The following IGF2R variants were observed in gnomAD, a reference collection of about 807,000 sequenced individuals.
IGF2R encodes insulin like growth factor 2 receptor.
In IGF2R, 91 loss-of-function variants were observed where a neutral mutation model predicts 270.6. The observed-to-expected ratio is 0.34, with a 90% CI of 0.28 to 0.40. The LOEUF (loss-of-function observed/expected upper bound fraction) is 0.40. Among genes scored for constraint, IGF2R ranks in the 10% least tolerant of loss-of-function variants. IGF2R has a pLI of 1.00. For synonymous variants in IGF2R, 1,316 were observed against 1,258.9 expected (o/e 1.05, Z -0.96); for missense variants, 2,805 against 3,188.3 (o/e 0.88, Z 2.90).
intron 17 of IGF2R, among the ~76,000 whole-genome samples, chr6:160,048,115 T>A (rs1562356859): frequency 1.3e-5 from 2 of 152,228 alleles, no homozygotes; most frequent in Non-Finnish European, 2.9e-5. Context: ...CAGCAGAGCC[T>A]CGGCCTTTAG....
Position 159,986,342 on chromosome 6 carries a change from G to A in IGF2R, c.150-4842G>A, listed in dbSNP as rs530691760. 4.7e-5 allele frequency among the ~76,000 whole-genome samples: 7 copies of A among 149,490 alleles called. No individual in the cohort carries two copies. In the East Asian group the frequency reaches 1.2e-3, roughly 25 times the overall value. On this transcript the variant is annotated intron_variant, in intron 1 of 47. Transcript: ENST00000356956. ...CACCTCCTGGATTCAAGCTATTCTC[G>A]TGCCTCAGCCTCCCGAGTAGTTGGG... is the stretch of plus-strand genomic sequence containing the variant.
intron 34 of IGF2R, 133 bp from the exon 35 acceptor site, chr6:160,073,624 T>C (rs1255787027): frequency 9.3e-7 from 1 of 1,073,704 alleles, no homozygotes; most frequent in Non-Finnish European, 1.4e-6. Flanking sequence ...TGCCCAGTGC[T>C]ATGTAATGAA....
At chr6:160,080,797 C>T (rs148812777) in intron 39 of IGF2R, among the ~76,000 whole-genome samples, 283 of 152,068 alleles carry the variant, frequency 1.9e-3, no homozygotes, top group Non-Finnish European at 3.3e-3. Context: ...GTCTACGGAC[C>T]GTGAGATGAG....
chr6:160,029,459 C>A (rs1207660293), intron 6 of IGF2R, 91 bp from the exon 7 acceptor site: 15 of 719,462 alleles, frequency 2.1e-5, no homozygotes, highest in Non-Finnish European at 3.3e-5. Flanking sequence ...TCCTCCCCCC[C>A]AAGTGAATGT....
At chr6:160,028,095 A>G (rs973121995) in intron 6 of IGF2R, among the ~76,000 whole-genome samples, 1 of 152,208 alleles carries the variant, frequency 6.6e-6, no homozygotes, top group African/African-American at 2.4e-5. Flanking sequence ...AGAAAATACG[A>G]TAGGCTGGGT....
chr6:160,064,230 C>T (rs553818798), intron 27 of IGF2R, among the ~76,000 whole-genome samples, 171 bp from the exon 28 acceptor site: 1 of 152,114 alleles, frequency 6.6e-6, no homozygotes, highest in Non-Finnish European at 1.5e-5. Context: ...CAAGGGGAAG[C>T]CTGATTTTAT....
At chr6:160,000,487 G>A (rs574605122) in intron 2 of IGF2R, among the ~76,000 whole-genome samples, 1 of 152,190 alleles carries the variant, frequency 6.6e-6, no homozygotes, top group African/African-American at 2.4e-5. Flanking sequence ...CCAACACTCG[G>A]GATCACAATT....
intron 4 of IGF2R, among the ~76,000 whole-genome samples, chr6:160,023,501 A>G (rs1018588012): frequency 5.3e-5 from 8 of 152,194 alleles, no homozygotes; most frequent in Non-Finnish European, 1.2e-4. Flanking sequence ...ACTTATGCCA[A>G]CCTGCCAGGA....
chr6:159,989,733 A>G (rs1260345185), intron 1 of IGF2R, among the ~76,000 whole-genome samples: 1 of 152,010 alleles, frequency 6.6e-6, no homozygotes, highest in African/African-American at 2.4e-5. Flanking sequence ...CCAGGTCTTT[A>G]TTTTTTGCAT....
chr6:160,068,388 G>A lies in IGF2R; in HGVS notation c.4252+3G>A. On this transcript the variant is annotated splice_donor_region_variant and intron_variant, in intron 30 of 47. Coordinates refer to ENST00000356956, the MANE Select transcript of IGF2R (RefSeq NM_000876.4). Reference sequence around the variant, plus strand: ...TCTGGCCCCGCAGGCTGGCACTGGTGAGAGAGGGCCTCCTCGTGGGGTGGT... The same window carrying A: ...TCTGGCCCCGCAGGCTGGCACTGGTAAGAGAGGGCCTCCTCGTGGGGTGGT... 1 of 1,613,722 alleles carries A rather than the reference G, an allele frequency of 6.2e-7. No individual in the cohort carries two copies. Among genetic ancestry groups the A allele is most frequent in the Non-Finnish European group, 8.5e-7 (1 of 1,179,988 alleles).
intron 35 of IGF2R, among the ~76,000 whole-genome samples, chr6:160,074,874 C>G (rs1778821440): frequency 1.3e-5 from 2 of 152,218 alleles, no homozygotes; most frequent in African/African-American, 4.8e-5. Context: ...GAGGCCTGGA[C>G]AAGCTGAGTC....
chr6:160,102,627 C>A lies in IGF2R; in HGVS notation c.6951C>A (p.Leu2317=). ...TGCTCAGCCTGCTGCTGGTGGCGCT[C>A]ACCTGCTGCCTGCTGGCCCTGTTGC... The part of the protein sequence containing the change: ...GAVLSLLLVA[L]TCCLLALLLY... The change falls in exon 46 of 48, where the codon CTC becomes CTA. Residue 2317 remains leucine, a synonymous_variant. Coordinates refer to ENST00000356956, the MANE Select transcript of IGF2R (RefSeq NM_000876.4). This position sits in a 1 kb window ranked among gnomAD's most constrained non-coding sequence, Gnocchi z 4.5. 2 of 1,612,690 alleles carry A rather than the reference C, an allele frequency of 1.2e-6. No homozygotes were observed. The highest frequency in any genetic ancestry group is 8.5e-7 in the Non-Finnish European group (1 of 1,179,254).
At chr6:160,081,125 CAA>C (rs57556600) in intron 39 of IGF2R, among the ~76,000 whole-genome samples, 53 of 129,792 alleles carry the variant, frequency 4.1e-4, no homozygotes, top group Admixed American at 6.3e-4. Context: ...GACTCGGTCT[CAA>C]AAAAAAAAAA....
chr6:160,084,202 C>A lies in IGF2R; in HGVS notation c.6068+18C>A. 1 of 1,466,694 alleles carries A rather than the reference C, an allele frequency of 6.8e-7. No individual in the cohort carries two copies. Among genetic ancestry groups the A allele is most frequent in the Non-Finnish European group, 9.6e-7 (1 of 1,046,150 alleles). The allele number at this position is 1,466,694 out of a possible 1,614,324, so 90.9% of individuals were successfully genotyped here. A position where few individuals can be genotyped will look rare whatever the true frequency, so the allele number is the denominator to read the frequency against. ...GGAGTCTCGTGAGTGCCTTCCCAGT[C>A]CACCCGCGGCGCCACACCCTCAGCA... On this transcript the variant is annotated intron_variant, in intron 40 of 47. Transcript: ENST00000356956. The surrounding 1 kb of genome is among the most constrained non-coding windows in gnomAD (Gnocchi z 4.6).
intron 15 of IGF2R, 70 bp from the exon 16 acceptor site, chr6:160,047,089 T>C: frequency 6.8e-7 from 1 of 1,475,244 alleles, no homozygotes; most frequent in Non-Finnish European, 9.5e-7. Context: ...GGGCCCTCCC[T>C]TCAGTGTGGC....
chr6:160,041,939 T>A (rs1777955280), intron 11 of IGF2R, among the ~76,000 whole-genome samples: 1 of 151,982 alleles, frequency 6.6e-6, no homozygotes, highest in South Asian at 2.1e-4. Flanking sequence ...CGAGCTGCTC[T>A]CCAGGCCCGG....
Position 160,072,864 on chromosome 6 carries a change from A to C in IGF2R, c.4670A>C (p.Glu1557Ala). Residue 1557 changes from glutamate (E) to alanine (A), a missense_variant, in exon 33 of 48, where the codon GAA becomes GCA. Glu to Ala is a moderately radical substitution (Grantham distance 107, BLOSUM62 -1). Transcript: ENST00000356956. ...TACATGAGCATCTGTGGGGAGAATG[A>C]AAACTGCCCTCCTGGCGTGGGTGAG... ...LVYMSICGEN[E>A]NCPPGVGACF... is the part of the protein sequence containing the mutation. The C allele has an allele frequency of 6.2e-7, 1 of 1,613,762 alleles. No homozygotes were observed. Among genetic ancestry groups the C allele is most frequent in the Non-Finnish European group, 8.5e-7 (1 of 1,179,828 alleles).
In IGF2R at chr6:160,045,888, T is replaced by C. The variant is rs374097276; in HGVS notation, c.1903+6T>C. The C allele has an allele frequency of 6.5e-7, 1 of 1,541,062 alleles. No individual in the cohort carries two copies. The highest frequency in any genetic ancestry group is 1.4e-5 in the African/African-American group (1 of 71,674). ...GGTCTTTGACTCCCAGGCAGGTCTG[T>C]GTCCAAGCAGGACCTCTGCTTTAAT... On this transcript the variant is annotated splice_donor_region_variant and intron_variant, in intron 14 of 47. Coordinates refer to ENST00000356956, the MANE Select transcript of IGF2R (RefSeq NM_000876.4).
chr6:160,078,507 G>A (rs1232097879), intron 37 of IGF2R, 145 bp downstream of exon 37: 2 of 736,402 alleles, frequency 2.7e-6, no homozygotes. Flanking sequence ...TGCTCTCGTA[G>A]GGCATGCCAG....
Sources: gnomAD v4.1 joint callset for allele counts (sites outside exome capture counted in the v4.1 genomes callset) on GRCh38, gnomAD v4.1.1 for gene constraint, Gnocchi (gnomAD v3.1) non-coding constraint, MANE v1.5 for transcripts, NCBI Gene and HGNC (gene_info 2026-07-23, HGNC 2026-07-21) for gene names.